The following DISP3 variants were observed in gnomAD, a reference collection of about 807,000 sequenced individuals.
DISP3 encodes the protein protein dispatched homolog 3.
A neutral mutation model predicts 135.3 loss-of-function variants in DISP3; 101 were observed. That is an observed-to-expected ratio of 0.75 (90% CI 0.64 to 0.88). DISP3 has a LOEUF of 0.88. DISP3 is among the 40% of genes least tolerant of loss of function. DISP3 has a pLI of 0.00. For synonymous variants in DISP3, 856 were observed against 817.0 expected, an observed-to-expected ratio of 1.05 and a Z score of -0.81; for missense variants, 1,713 against 1,878.6, an observed-to-expected ratio of 0.91 and a Z score of 1.63.
At chr1:11,490,126 G>A (rs372286150) in intron 1 of DISP3, among the ~76,000 whole-genome samples, 1 of 152,120 alleles carries the variant, frequency 6.6e-6, no homozygotes, top group Non-Finnish European at 1.5e-5. Context: ...AGAGATGTCG[G>A]GGGTGGGGGT....
At position 11,516,245 on chromosome 1, in the gene DISP3, G is replaced by A. The variant is rs1013902537; in HGVS notation, c.1749+84G>A. 34 of 1,499,518 alleles carry A rather than the reference G, an allele frequency of 2.3e-5. No individual in the cohort carries two copies. The highest frequency in any genetic ancestry group is 1.4e-4 in the South Asian group (11 of 79,210). 92.9% of individuals were successfully genotyped at this position (1,499,518 alleles called of 1,614,324 possible). A position where few individuals can be genotyped will look rare whatever the true frequency, so the allele number is the denominator to read the frequency against. On this transcript the variant is annotated intron_variant, in intron 6 of 20. Coordinates refer to ENST00000294484, the MANE Select transcript of DISP3 (RefSeq NM_020780.2). This position sits in a 1 kb window ranked among gnomAD's most constrained non-coding sequence, Gnocchi z 5.1. ...GCTGGTCTCTGCCCTTCCCACCACC[G>A]CTTGAGTGGCCATATAGCCTTCACC...
At position 11,501,734 on chromosome 1, in the gene DISP3, C is replaced by T. The variant is rs1180732984; in HGVS notation, c.742C>T (p.Arg248Cys). The T allele has an allele frequency of 3.1e-6, 5 of 1,591,446 alleles. No homozygotes were observed. Among genetic ancestry groups the T allele is most frequent in the South Asian group, 1.1e-5 (1 of 88,994 alleles). The change falls in exon 2 of 21, where the codon CGT becomes TGT. Residue 248 changes from arginine to cysteine, a missense_variant. Around this residue, in one of 2 missense-constraint regions of DISP3, gnomAD observed 571 missense variants for 494.1 expected, o/e 1.16. Transcript: ENST00000294484. The surrounding 1 kb of genome is among the most constrained non-coding windows in gnomAD (Gnocchi z 4.9). ...CGCGGCAGTCGCGGCCAATCAGAGCCGTGCCCGCCGAGGCGCCTCGCGCTG... is the reference window on the plus strand; with the variant it reads ...CGCGGCAGTCGCGGCCAATCAGAGCTGTGCCCGCCGAGGCGCCTCGCGCTG... ...PHAAVAANQSRARRGASRWDY... is the reference protein window; with the variant it reads ...PHAAVAANQSCARRGASRWDY...
chr1:11,502,768 G>A lies in DISP3; in HGVS notation c.1187G>A (p.Arg396His), dbSNP rs780545984. 28 of 1,614,052 alleles carry A rather than the reference G, an allele frequency of 1.7e-5. No homozygotes were observed. Among genetic ancestry groups the A allele is most frequent in the Middle Eastern group, 1.6e-4 (1 of 6,082 alleles). The change falls in exon 3 of 21, where the codon CGC (arginine) becomes CAC (histidine). Residue 396 changes from arginine to histidine, a missense_variant. Physicochemically the swap from Arg to His is conservative, Grantham distance 29 (BLOSUM62 0). This residue lies in a region of DISP3 where 1,142 missense variants were observed against 1,384.6 expected (regional missense o/e 0.82). Coordinates refer to ENST00000294484, the MANE Select transcript of DISP3 (RefSeq NM_020780.2). The part of the protein sequence containing the change: ...SADNLKSSLL[R>H]SEILFGAPLP... Reference sequence around the variant, plus strand: ...GACAATCTGAAGAGCTCCCTCCTGCGCAGTGAGATCCTGTTTGGAGCACCC... The same window carrying A: ...GACAATCTGAAGAGCTCCCTCCTGCACAGTGAGATCCTGTTTGGAGCACCC...
At chr1:11,502,603 A>G (rs1180029627) in intron 2 of DISP3, 75 bp from the exon 3 acceptor site, 1 of 1,207,324 alleles carries the variant, frequency 8.3e-7, no homozygotes. Context: ...CTGCAATGAG[A>G]CTGGATGACC....
intron 1 of DISP3, among the ~76,000 whole-genome samples, chr1:11,500,688 C>T (rs1641479602): frequency 6.6e-6 from 1 of 151,852 alleles, no homozygotes; most frequent in Admixed American, 6.6e-5. Context: ...TTTTTTAAAT[C>T]CCTCACCCCA....
At chr1:11,490,803 C>A (rs1641163139) in intron 1 of DISP3, among the ~76,000 whole-genome samples, 1 of 152,148 alleles carries the variant, frequency 6.6e-6, no homozygotes, top group South Asian at 2.1e-4. Flanking sequence ...CAGCTCAGCT[C>A]TGTAAGCAGC....
At chr1:11,490,443 A>G (rs937119713) in intron 1 of DISP3, among the ~76,000 whole-genome samples, 40 of 151,964 alleles carry the variant, frequency 2.6e-4, no homozygotes, top group Admixed American at 5.2e-4. Flanking sequence ...AATTTTTTGT[A>G]TTTTTAGTAG....
intron 1 of DISP3, among the ~76,000 whole-genome samples, chr1:11,480,291 G>A (rs1380656947): frequency 6.6e-6 from 1 of 152,116 alleles, no homozygotes; most frequent in Non-Finnish European, 1.5e-5. Context: ...GGCCGCCCTA[G>A]AAACTCAGAA....
chr1:11,525,404 G>T, intron 12 of DISP3, 92 bp downstream of exon 12: 7 of 1,427,982 alleles, frequency 4.9e-6, no homozygotes, highest in Non-Finnish European at 5.6e-6. Context: ...GGCCAATAGG[G>T]AGGGAGAAGC....
intron 20 of DISP3, among the ~76,000 whole-genome samples, 163 bp downstream of exon 20, chr1:11,535,807 C>T (rs1381255791): frequency 6.6e-6 from 1 of 152,172 alleles, no homozygotes; most frequent in Non-Finnish European, 1.5e-5. Flanking sequence ...CCCCAAGCCC[C>T]AGGGACTCAA....
chr1:11,535,588 C>T lies in DISP3; in HGVS notation c.3760C>T (p.His1254Tyr). The change falls in exon 20 of 21, where the codon CAC (histidine) becomes TAC (tyrosine). Residue 1254 changes from histidine to tyrosine, a missense_variant. Coordinates refer to ENST00000294484, the MANE Select transcript of DISP3 (RefSeq NM_020780.2). ...LVGSSVDYCV[H>Y]LVEGYLLAGE... The stretch of plus-strand genomic sequence containing the variant: ...TGGCTCCTCCGTGGATTACTGCGTC[C>T]ACCTGGTCGAGGGCTACCTGCTGGC... 1.9e-6 allele frequency: 3 copies of T among 1,613,438 alleles called. No homozygotes were observed. The highest frequency in any genetic ancestry group is 1.7e-6 in the Non-Finnish European group (2 of 1,179,910).
intron 10 of DISP3, among the ~76,000 whole-genome samples, chr1:11,522,715 G>A (rs1642257443): frequency 7.4e-6 from 1 of 134,566 alleles, no homozygotes; most frequent in African/African-American, 2.9e-5. Context: ...GACCCAGCCA[G>A]GGCCCAGCCA....
chr1:11,501,448 C>T lies in DISP3; in HGVS notation c.456C>T (p.Ile152=), dbSNP rs1289651561. The T allele has an allele frequency of 6.9e-6, 11 of 1,600,438 alleles. No individual in the cohort carries two copies. Among genetic ancestry groups the T allele is most frequent in the African/African-American group, 1.3e-5 (1 of 74,550 alleles). ...CCTCCGAGACGCTTCAGCGCCTTAT[C>T]TCAGAGCAGCTGCAGCAGCTGCATC... ...DFTSETLQRL[I]SEQLQQLHLG... The change falls in exon 2 of 21, where the codon ATC becomes ATT. Residue 152 remains isoleucine, a synonymous_variant. Coordinates refer to ENST00000294484, the MANE Select transcript of DISP3 (RefSeq NM_020780.2). This position sits in a 1 kb window ranked among gnomAD's most constrained non-coding sequence, Gnocchi z 4.9.
rs1314169186 is a variant in DISP3 at position 11,520,370 on chromosome 1, T to G, written c.2201-317T>G. Among the ~76,000 whole-genome samples, 2 of 152,046 alleles carry G rather than the reference T, an allele frequency of 1.3e-5. No individual in the cohort carries two copies. The highest frequency in any genetic ancestry group is 2.9e-5 in the Non-Finnish European group (2 of 67,986). Reference sequence around the variant, plus strand: ...TGTCATCTTCGACACTATTTCAGAGTTGTGTGAGATCAAGTAGTGCACCAG... The same window carrying G: ...TGTCATCTTCGACACTATTTCAGAGGTGTGTGAGATCAAGTAGTGCACCAG... On this transcript the variant is annotated intron_variant, in intron 9 of 20. Transcript: ENST00000294484. This position sits in a 1 kb window ranked among gnomAD's most constrained non-coding sequence, Gnocchi z 4.8.
rs756856438 is a variant in DISP3 at position 11,519,375 on chromosome 1, G to A, written c.1910G>A (p.Arg637Gln). Residue 637 changes from arginine to glutamine, a missense_variant, in exon 8 of 21, where the codon CGG becomes CAG. Arg to Gln is a conservative substitution (Grantham distance 43). This residue lies in a region of DISP3 where 1,142 missense variants were observed against 1,384.6 expected (regional missense o/e 0.82). Coordinates refer to ENST00000294484, the MANE Select transcript of DISP3 (RefSeq NM_020780.2). The surrounding 1 kb of genome is among the most constrained non-coding windows in gnomAD (Gnocchi z 4.3). The part of the protein sequence containing the change: ...CQTSCHQNCS[R>Q]KTSLHFPGDV... ...CACAGCTGCCACCAGAATTGCAGCC[G>A]GAAGACCTCCCTGCACTTCCCCGGA... The A allele has an allele frequency of 9.9e-6, 16 of 1,613,636 alleles. No individual in the cohort carries two copies. Among genetic ancestry groups the A allele is most frequent in the Middle Eastern group, 3.3e-4 (2 of 6,080 alleles).
intron 6 of DISP3, 44 bp from the exon 7 acceptor site, chr1:11,517,419 A>G (rs745707116): frequency 1.2e-6 from 2 of 1,602,886 alleles, no homozygotes; most frequent in African/African-American, 1.3e-5. Flanking sequence ...CCCTGACTGC[A>G]GGTCCAACCT....
intron 10 of DISP3, among the ~76,000 whole-genome samples, chr1:11,521,111 G>A (rs954694730): frequency 3.9e-5 from 6 of 152,070 alleles, no homozygotes; most frequent in African/African-American, 7.3e-5. Flanking sequence ...TCTAGGGCCC[G>A]GTCACTGTAA....
At chr1:11,517,774 A>G (rs3887379) in intron 7 of DISP3, among the ~76,000 whole-genome samples, 172 bp downstream of exon 7, 9,131 of 152,298 alleles carry the variant, frequency 0.06, 886 homozygotes, top group African/African-American at 0.21. Flanking sequence ...TGGGATCACC[A>G]GTGTCACCAG....
At chr1:11,488,578 C>T (rs1180812826) in intron 1 of DISP3, among the ~76,000 whole-genome samples, 1 of 152,162 alleles carries the variant, frequency 6.6e-6, no homozygotes, top group Non-Finnish European at 1.5e-5. Flanking sequence ...TTCCGTGGGA[C>T]CCACAGTCCA....
Sources: gnomAD v4.1 joint callset for allele counts (sites outside exome capture counted in the v4.1 genomes callset) on GRCh38, gnomAD v4.1.1 for gene constraint, gnomAD v4.1.1 regional missense constraint, Gnocchi (gnomAD v3.1) non-coding constraint, MANE v1.5 for transcripts, NCBI Gene and HGNC (gene_info 2026-07-23, HGNC 2026-07-21) for gene names.